The following FAF1 variants were observed in gnomAD, a reference collection of about 807,000 sequenced individuals.
The protein encoded by FAF1 is Fas associated factor 1.
In FAF1, 25 loss-of-function variants were observed where a neutral mutation model predicts 92.5. That is an observed-to-expected ratio of 0.27 (90% CI 0.20 to 0.38). The LOEUF is 0.38. Among genes scored for constraint, FAF1 ranks in the 10% least tolerant of loss-of-function variants. The probability of loss-of-function intolerance (pLI) is 1.00; values close to 1 mark genes in which losing one functional copy is unlikely to be tolerated. For missense variants in FAF1, 636 were observed against 793.3 expected (o/e 0.80, Z 2.38); for synonymous variants, 234 against 273.2 (o/e 0.86, Z 1.42).
intron 2 of FAF1, among the ~76,000 whole-genome samples, chr1:50,833,592 T>G (rs1248899548): frequency 6.6e-6 from 1 of 152,162 alleles, no homozygotes; most frequent in Non-Finnish European, 1.5e-5. Context: ...CTATCCCCTG[T>G]CCTCTCCCCA....
chr1:50,845,779 C>T (rs921337351), intron 2 of FAF1, among the ~76,000 whole-genome samples: 1 of 151,960 alleles, frequency 6.6e-6, no homozygotes, highest in African/African-American at 2.4e-5. Flanking sequence ...AGAAATAAAC[C>T]TCAAACGAAA....
intron 7 of FAF1, among the ~76,000 whole-genome samples, chr1:50,691,355 G>C (rs1029297128): frequency 6.6e-6 from 1 of 151,608 alleles, no homozygotes; most frequent in African/African-American, 2.4e-5. Context: ...TGATTCTCAT[G>C]CCTCAGCCTC....
rs114005606 is a variant in FAF1, at chr1:50,660,018, T to C, written c.658-4490A>G. On this transcript the variant is annotated intron_variant, in intron 7 of 18. Coordinates refer to ENST00000396153, the MANE Select transcript of FAF1 (RefSeq NM_007051.3). ...TCTCTACTTCAAACTTCATACTTCC[T>C]CAATGTCTGTGGGAATTTCAACGCT... Among the ~76,000 whole-genome samples, 557 of 152,308 alleles carry C rather than the reference T, an allele frequency of 3.7e-3. 4 individuals carry two copies. Among genetic ancestry groups the C allele is most frequent in the African/African-American group, 0.013 (535 of 41,570 alleles).
At chr1:50,692,711 T>C (rs531544356) in intron 7 of FAF1, among the ~76,000 whole-genome samples, 1 of 152,314 alleles carries the variant, frequency 6.6e-6, no homozygotes, top group African/African-American at 2.4e-5. Context: ...TGCTTCCATA[T>C]CTTGCTTATT....
intron 8 of FAF1, among the ~76,000 whole-genome samples, chr1:50,648,730 C>A (rs958895328): frequency 1.3e-5 from 2 of 152,098 alleles, no homozygotes; most frequent in Non-Finnish European, 2.9e-5. Flanking sequence ...AGTTCAAGAC[C>A]AGCCTGACCA....
Position 50,920,568 on chromosome 1 carries a change from G to A in FAF1, c.45+39199C>T, listed in dbSNP as rs1644954768. 4.6e-5 allele frequency among the ~76,000 whole-genome samples: 7 copies of A among 152,272 alleles called. No individual in the cohort carries two copies. In the South Asian group the frequency reaches 1.5e-3, roughly 32 times the overall value. On this transcript the variant is annotated intron_variant, in intron 1 of 18. Transcript: ENST00000396153. ...ATCAAATCCAGGATTATGTAAAAAG[G>A]ATAACAAATCATGACCAACTGAGGT...
chr1:50,618,604 T>C (rs1653046709), intron 8 of FAF1, among the ~76,000 whole-genome samples: 2 of 152,066 alleles, frequency 1.3e-5, no homozygotes, highest in African/African-American at 2.4e-5. Context: ...TTTATGAATC[T>C]GGGTGCTCCA....
intron 1 of FAF1, among the ~76,000 whole-genome samples, chr1:50,944,466 C>T (rs78735799): frequency 0.011 from 1,750 of 152,316 alleles, 12 homozygotes; most frequent in Non-Finnish European, 0.016. Context: ...TCCATTGCTA[C>T]AAAATCAGTA....
chr1:50,934,346 C>T (rs902830675), intron 1 of FAF1, among the ~76,000 whole-genome samples: 1 of 152,146 alleles, frequency 6.6e-6, no homozygotes, highest in African/African-American at 2.4e-5. Context: ...TGATACCATT[C>T]CTCTACAACC....
chr1:50,762,014 C>T (rs1006322545), intron 4 of FAF1, among the ~76,000 whole-genome samples: 69 of 152,168 alleles, frequency 4.5e-4, no homozygotes, highest in Non-Finnish European at 9.3e-4. Context: ...AATCAATGTA[C>T]AAAAATCACA....
chr1:50,759,323 C>A (rs2124524345), intron 4 of FAF1, among the ~76,000 whole-genome samples: 1 of 135,244 alleles, frequency 7.4e-6, no homozygotes, highest in Non-Finnish European at 1.6e-5. Context: ...CACAACAGTC[C>A]CCAGAGTGTG....
intron 13 of FAF1, among the ~76,000 whole-genome samples, chr1:50,555,082 G>A (rs1649505653): frequency 6.6e-6 from 1 of 152,026 alleles, no homozygotes; most frequent in South Asian, 2.1e-4. Flanking sequence ...GCTGGGCATG[G>A]CGGCATGAGC....
At chr1:50,523,747 A>G (rs1031029131) in intron 15 of FAF1, among the ~76,000 whole-genome samples, 3 of 151,918 alleles carry the variant, frequency 2.0e-5, no homozygotes, top group African/African-American at 7.3e-5. Context: ...GATGTATAGT[A>G]CTCCATGGTG....
intron 2 of FAF1, chr1:50,846,773 A>C (rs1287489849): frequency 1.4e-6 from 1 of 693,980 alleles, no homozygotes; most frequent in South Asian, 1.4e-5. Context: ...AGGAACTAAA[A>C]GAATGTGAAG....
At chr1:50,755,585 T>A (rs1005204221) in intron 4 of FAF1, among the ~76,000 whole-genome samples, 3 of 152,188 alleles carry the variant, frequency 2.0e-5, no homozygotes, top group African/African-American at 7.2e-5. Flanking sequence ...ACATCTCCAC[T>A]AAGCGGTGCC....
chr1:50,548,948 G>A (rs1649161911), intron 13 of FAF1, among the ~76,000 whole-genome samples: 1 of 152,170 alleles, frequency 6.6e-6, no homozygotes, highest in African/African-American at 2.4e-5. Flanking sequence ...TTTGGAATTG[G>A]TCTGTGGATT....
At chr1:50,733,028 C>T (rs1240810334) in intron 6 of FAF1, among the ~76,000 whole-genome samples, 3 of 152,020 alleles carry the variant, frequency 2.0e-5, no homozygotes, top group Admixed American at 6.6e-5. Context: ...ATCTCTGTGT[C>T]GTCACCTCAC....
At chr1:50,728,690 C>A (rs545206598) in intron 6 of FAF1, among the ~76,000 whole-genome samples, 2 of 151,260 alleles carry the variant, frequency 1.3e-5, no homozygotes, top group Non-Finnish European at 2.9e-5. Context: ...ACTCGGGAGG[C>A]TGAGGCAGGA....
intron 1 of FAF1, among the ~76,000 whole-genome samples, chr1:50,910,316 G>A (rs1351035034): frequency 6.6e-6 from 1 of 152,214 alleles, no homozygotes; most frequent in African/African-American, 2.4e-5. Context: ...TCCCAGTTAG[G>A]CTACTCAGTG....
Sources: gnomAD v4.1 joint callset for allele counts (sites outside exome capture counted in the v4.1 genomes callset) on GRCh38, gnomAD v4.1.1 for gene constraint, MANE v1.5 for transcripts, NCBI Gene and HGNC (gene_info 2026-07-23, HGNC 2026-07-21) for gene names.